The following CDH18 variants were observed in gnomAD, a reference collection of about 807,000 sequenced individuals.
The protein encoded by CDH18 is cadherin-18.
CDH18 carries 31 observed loss-of-function variants against 67.9 expected under a neutral mutation model. The ratio of observed to expected loss-of-function variants is 0.46; its 90% confidence interval spans 0.34 to 0.62. CDH18 has a LOEUF of 0.62. CDH18 is among the 20% of genes least tolerant of loss of function. CDH18 has a pLI of 0.01. For synonymous variants in CDH18, 362 were observed against 347.2 expected (o/e 1.04, Z -0.48); for missense variants, 890 against 975.5 (o/e 0.91, Z 1.17).
intron 9 of CDH18, among the ~76,000 whole-genome samples, chr5:19,542,575 C>T (rs546785224): frequency 2.0e-5 from 3 of 152,028 alleles, no homozygotes; most frequent in Non-Finnish European, 4.4e-5. Flanking sequence ...ATAATTTTGG[C>T]AATAAAAAAA....
intron 3 of CDH18, among the ~76,000 whole-genome samples, chr5:19,813,699 G>A (rs1027789349): frequency 5.3e-5 from 8 of 151,986 alleles, no homozygotes; most frequent in African/African-American, 1.9e-4. Context: ...TCCACAAAGG[G>A]AAAGCCAGGA....
In CDH18 at chr5:20,294,004, G is replaced by A. The variant is rs553382657; in HGVS notation, c.-579-38499C>T. Among the ~76,000 whole-genome samples, 4 of 152,082 alleles carry A rather than the reference G, an allele frequency of 2.6e-5. No individual in the cohort carries two copies. In the East Asian group the frequency reaches 7.7e-4, roughly 29 times the overall value. On this transcript the variant is annotated intron_variant, in intron 1 of 14. Coordinates refer to the CDH18 transcript ENST00000507958. ...CTTTCTCTTAAGTGGAAACTAATAG[G>A]ACCCCAATAAATATTTTAATGAATA... is the stretch of plus-strand genomic sequence containing the variant.
intron 2 of CDH18, among the ~76,000 whole-genome samples, chr5:19,922,715 G>A (rs1170628515): frequency 6.6e-6 from 1 of 152,072 alleles, no homozygotes; most frequent in Non-Finnish European, 1.5e-5. Flanking sequence ...AACTCTCTGT[G>A]TTTAATTTTA....
chr5:20,501,594 T>TTTTA (rs1554010563), intron 1 of CDH18, among the ~76,000 whole-genome samples: 5 of 35,298 alleles, frequency 1.4e-4, no homozygotes, highest in Admixed American at 3.8e-4. Flanking sequence ...TATATATATA[T>TTTTA]TATATATATA....
chr5:20,220,150 G>A (rs1338099433), intron 2 of CDH18, among the ~76,000 whole-genome samples: 3 of 151,824 alleles, frequency 2.0e-5, no homozygotes, highest in Non-Finnish European at 4.4e-5. Context: ...TATAATAAAT[G>A]TCCAAAATAG....
chr5:19,937,966 T>C (rs1438775256), intron 2 of CDH18, among the ~76,000 whole-genome samples: 2 of 148,554 alleles, frequency 1.3e-5, no homozygotes, highest in South Asian at 2.1e-4. Flanking sequence ...ATTTGCTATA[T>C]ATATATATAG....
At chr5:20,560,937 TA>T (rs988173097) in intron 1 of CDH18, among the ~76,000 whole-genome samples, 1 of 151,484 alleles carries the variant, frequency 6.6e-6, no homozygotes, top group South Asian at 2.1e-4. Context: ...ATTAACAAAC[TA>T]AAAAAAATCA....
At chr5:20,426,967 T>C (rs1183794647) in intron 1 of CDH18, among the ~76,000 whole-genome samples, 2 of 150,972 alleles carry the variant, frequency 1.3e-5, no homozygotes, top group African/African-American at 2.5e-5. Flanking sequence ...TTTCATCTCA[T>C]TGAACTGGTG....
chr5:19,695,828 C>T (rs1014772982), intron 5 of CDH18, among the ~76,000 whole-genome samples: 4 of 152,086 alleles, frequency 2.6e-5, no homozygotes, highest in Admixed American at 1.3e-4. Context: ...ACTTCAGGAG[C>T]GAGTTCATCA....
chr5:20,563,985 A>G (rs1335663168), intron 1 of CDH18, among the ~76,000 whole-genome samples: 2 of 152,154 alleles, frequency 1.3e-5, no homozygotes, highest in Non-Finnish European at 2.9e-5. Context: ...ATCTATGACT[A>G]TTAATAAGTA....
chr5:19,593,729 C>CTTCTTCTTCTTG (rs1561426255), intron 6 of CDH18, among the ~76,000 whole-genome samples: 7 of 141,386 alleles, frequency 5.0e-5, no homozygotes, highest in South Asian at 2.2e-4. Context: ...TCTTCTTCTT[C>CTTCTTCTTCTTG]TTCTTCTTCT....
At chr5:19,992,214 T>C (rs1285894377), upstream of CDH18, among the ~76,000 whole-genome samples, 2 of 152,058 alleles carry the variant, frequency 1.3e-5, no homozygotes, top group Non-Finnish European at 2.9e-5. Context: ...ATGTATAATA[T>C]CAAAGAACCA....
chr5:19,763,573 A>G (rs1772655131), intron 3 of CDH18, among the ~76,000 whole-genome samples: 1 of 152,298 alleles, frequency 6.6e-6, no homozygotes, highest in African/African-American at 2.4e-5. Context: ...GTCTCAGCAG[A>G]TATATAGAGA....
intron 2 of CDH18, among the ~76,000 whole-genome samples, chr5:20,069,965 T>C (rs962225933): frequency 1.3e-5 from 2 of 152,120 alleles, no homozygotes; most frequent in African/African-American, 4.8e-5. Flanking sequence ...GTACAGTCTA[T>C]GGGTGTGGGC....
chr5:20,531,129 T>C (rs62352732), intron 1 of CDH18, among the ~76,000 whole-genome samples: 3,083 of 152,078 alleles, frequency 0.02, 58 homozygotes, highest in African/African-American at 0.04. Context: ...CCAACAAACA[T>C]ATGAAAAATA....
At chr5:19,885,932 C>T (rs905010125) in intron 2 of CDH18, among the ~76,000 whole-genome samples, 3 of 152,162 alleles carry the variant, frequency 2.0e-5, no homozygotes, top group African/African-American at 7.2e-5. Flanking sequence ...AACAAAATCT[C>T]TTTATGGTCC....
At chr5:19,528,099 T>C (rs894678659) in intron 9 of CDH18, among the ~76,000 whole-genome samples, 1 of 151,844 alleles carries the variant, frequency 6.6e-6, no homozygotes. Context: ...ATTCTATTCT[T>C]GTGAAAATGT....
intron 2 of CDH18, chr5:19,877,971 A>G (rs1787213529): frequency 6.6e-6 from 1 of 152,094 alleles, no homozygotes; most frequent in South Asian, 2.1e-4. Context: ...ATTGTTAATA[A>G]TGTTATTATG....
chr5:20,559,994 A>G (rs940451308), intron 1 of CDH18, among the ~76,000 whole-genome samples: 2 of 152,074 alleles, frequency 1.3e-5, no homozygotes, highest in African/African-American at 4.8e-5. Flanking sequence ...TCTTTCACTC[A>G]TAGGGTTGAT....
Sources: gnomAD v4.1 joint callset for allele counts (sites outside exome capture counted in the v4.1 genomes callset) on GRCh38, gnomAD v4.1.1 for gene constraint, MANE v1.5 for transcripts, NCBI Gene and HGNC (gene_info 2026-07-23, HGNC 2026-07-21) for gene names.